PPP1R12A: variants seen among roughly 807,000 people sequenced by gnomAD.
PPP1R12A encodes myosin binding subunit.
Under a neutral mutation model 139.6 loss-of-function variants are expected in PPP1R12A, and 19 were observed. The observed-to-expected ratio is 0.14, with a 90% CI of 0.09 to 0.20. The LOEUF (loss-of-function observed/expected upper bound fraction) is 0.20, where lower values mean the gene tolerates loss of function less well. Among genes scored for constraint, PPP1R12A ranks in the 10% least tolerant of loss-of-function variants. The pLI is 1.00. For synonymous variants in PPP1R12A, 427 were observed against 420.6 expected (o/e 1.02, Z -0.19); for missense variants, 925 against 1,211.5 (o/e 0.76, Z 3.51).
chr12:79,790,505 TA>T (rs1565740029), intron 19 of PPP1R12A, 22 bp from the exon 20 acceptor site: 2 of 1,376,962 alleles, frequency 1.5e-6, no homozygotes, highest in Non-Finnish European at 2.0e-6. Flanking sequence ...GAGAAAAACA[TA>T]GGCATACTAA....
intron 1 of PPP1R12A, among the ~76,000 whole-genome samples, chr12:79,888,140 C>T (rs528370985): frequency 6.6e-6 from 1 of 152,228 alleles, no homozygotes; most frequent in Admixed American, 6.5e-5. Flanking sequence ...GTGAAGTATA[C>T]AGACCAGATA....
At chr12:79,824,604 G>A (rs1218234535) in intron 5 of PPP1R12A, among the ~76,000 whole-genome samples, 1 of 152,014 alleles carries the variant, frequency 6.6e-6, no homozygotes, top group African/African-American at 2.4e-5. Context: ...TTCAAAAAAA[G>A]CACACTCATC....
At chr12:79,799,991 T>C (rs1435378964) in intron 14 of PPP1R12A, among the ~76,000 whole-genome samples, 1 of 151,824 alleles carries the variant, frequency 6.6e-6, no homozygotes, top group Non-Finnish European at 1.5e-5. Context: ...GGTGACAGAA[T>C]TGAGACTCAA....
chr12:79,875,029 A>C (rs143521582), intron 1 of PPP1R12A, among the ~76,000 whole-genome samples: 8 of 152,244 alleles, frequency 5.3e-5, no homozygotes, highest in African/African-American at 1.7e-4. Flanking sequence ...TTTTCAAGTA[A>C]TTCCTAGTAC....
At chr12:79,883,394 T>C (rs1357915126) in intron 1 of PPP1R12A, among the ~76,000 whole-genome samples, 1 of 152,114 alleles carries the variant, frequency 6.6e-6, no homozygotes, top group African/African-American at 2.4e-5. Flanking sequence ...TGTGGTAGTC[T>C]GGAACCAAAC....
At chr12:79,835,443 A>G (rs1035563695) in intron 3 of PPP1R12A, among the ~76,000 whole-genome samples, 3 of 152,056 alleles carry the variant, frequency 2.0e-5, no homozygotes, top group African/African-American at 7.2e-5. Flanking sequence ...TTCTGTCTCT[A>G]TGGAGAAGCC....
chr12:79,789,778 C>CT lies in PPP1R12A; in HGVS notation c.2666+688dup, dbSNP rs5799442. On this transcript the variant is annotated intron_variant, in intron 20 of 24. Coordinates refer to ENST00000450142, the MANE Select transcript of PPP1R12A (RefSeq NM_002480.3). The stretch of plus-strand genomic sequence containing the variant: ...ATGGATAATTTTGAATTAGGTGACA[C>CT]TTTTTTTTTTTTTTTTTAAAGACAC... 2,867 of 314,052 alleles carry CT rather than the reference C, an allele frequency of 9.1e-3. 7 individuals are homozygous for CT. The highest frequency in any genetic ancestry group is 0.022 in the African/African-American group (925 of 41,284). The allele number at this position is 314,052 out of a possible 1,614,324, so 19.5% of individuals were successfully genotyped here.
chr12:79,927,879 C>T (rs1371267849), intron 1 of PPP1R12A, among the ~76,000 whole-genome samples: 1 of 152,188 alleles, frequency 6.6e-6, no homozygotes, highest in Admixed American at 6.5e-5. Flanking sequence ...GCCAATACCT[C>T]ATCATCTTCT....
intron 9 of PPP1R12A, among the ~76,000 whole-genome samples, chr12:79,814,494 A>G (rs1370133991): frequency 1.4e-5 from 2 of 144,014 alleles, no homozygotes; most frequent in African/African-American, 2.6e-5. Context: ...AAAAAAAAAA[A>G]AAAAAAGGAC....
chr12:79,796,397 G>A (rs191656210), intron 17 of PPP1R12A, among the ~76,000 whole-genome samples: 3 of 152,000 alleles, frequency 2.0e-5, no homozygotes, highest in Non-Finnish European at 2.9e-5. Context: ...AGTAATTTTA[G>A]TTTACAACAA....
intron 1 of PPP1R12A, among the ~76,000 whole-genome samples, chr12:79,902,089 T>C (rs550043098): frequency 6.6e-6 from 1 of 152,222 alleles, no homozygotes; most frequent in Non-Finnish European, 1.5e-5. Flanking sequence ...CAGATAAGTC[T>C]TGTTAAAGAT....
intron 14 of PPP1R12A, among the ~76,000 whole-genome samples, chr12:79,803,445 G>T (rs1421656777): frequency 6.6e-6 from 1 of 151,992 alleles, no homozygotes; most frequent in Non-Finnish European, 1.5e-5. Flanking sequence ...ACTATATAGG[G>T]TATATAATTT....
At chr12:79,901,911 G>A (rs574831268) in intron 1 of PPP1R12A, among the ~76,000 whole-genome samples, 43 of 152,242 alleles carry the variant, frequency 2.8e-4, no homozygotes, top group Admixed American at 1.6e-3. Context: ...CTTAAAGAAC[G>A]AATAGGAGTT....
rs1885735459 is a variant in PPP1R12A at position 79,902,465 on chromosome 12, T to C, written c.238-29527A>G. On this transcript the variant is annotated intron_variant, in intron 1 of 24. Coordinates refer to ENST00000450142, the MANE Select transcript of PPP1R12A (RefSeq NM_002480.3). ...CACCTCAAATTGAAAAAAAGTGATA[T>C]TTTTATTTTAAAATTAAATGAGATT... 2.0e-5 allele frequency among the ~76,000 whole-genome samples: 3 copies of C among 152,152 alleles called. No homozygotes were observed. The South Asian group carries it at 6.2e-4, about 31-fold the overall frequency.
intron 3 of PPP1R12A, among the ~76,000 whole-genome samples, chr12:79,843,026 T>C (rs1878926295): frequency 1.3e-5 from 2 of 152,178 alleles, no homozygotes; most frequent in African/African-American, 2.4e-5. Flanking sequence ...AGGTACCTCA[T>C]ATATGTAGAA....
intron 9 of PPP1R12A, among the ~76,000 whole-genome samples, chr12:79,813,889 A>C (rs918825979): frequency 6.6e-6 from 1 of 152,208 alleles, no homozygotes; most frequent in Non-Finnish European, 1.5e-5. Context: ...TGCCATGAAC[A>C]CAAGTGCACA....
chr12:79,831,844 G>C (rs2137153203), intron 4 of PPP1R12A, among the ~76,000 whole-genome samples: 1 of 152,234 alleles, frequency 6.6e-6, no homozygotes, highest in East Asian at 1.9e-4. Flanking sequence ...AGTTGCTTAT[G>C]GCTTAATATT....
At position 79,863,288 on chromosome 12, in the gene PPP1R12A, T is replaced by G. The variant is rs535536394; in HGVS notation, c.368+9520A>C. ...ATGCTGAGAGATTTTGTCACCACCA[T>G]GTCTGCCTTACAAGAGCTCCTGAAG... On this transcript the variant is annotated intron_variant, in intron 2 of 24. Transcript: ENST00000450142. 4.0e-4 allele frequency among the ~76,000 whole-genome samples: 61 copies of G among 152,214 alleles called. No individual in the cohort carries two copies. The South Asian group carries it at 0.012, about 31-fold the overall frequency.
chr12:79,892,165 TTATAA>T (rs1459523692), intron 1 of PPP1R12A, among the ~76,000 whole-genome samples: 2 of 152,186 alleles, frequency 1.3e-5, no homozygotes, highest in African/African-American at 4.8e-5. Flanking sequence ...CTTCCGCAAC[TTATAA>T]TATCTGTCTT....
Sources: gnomAD v4.1 joint callset for allele counts (sites outside exome capture counted in the v4.1 genomes callset) on GRCh38, gnomAD v4.1.1 for gene constraint, MANE v1.5 for transcripts, NCBI Gene and HGNC (gene_info 2026-07-23, HGNC 2026-07-21) for gene names.